The following CCDC195 variants were observed in gnomAD, a reference collection of about 807,000 sequenced individuals.
CCDC195 encodes the protein coiled-coil domain-containing protein 195.
At chr2:224,704,610 C>CTTTTT (rs55801561) in intron 2 of CCDC195, among the ~76,000 whole-genome samples, 670 of 110,586 alleles carry the variant, frequency 6.1e-3, no homozygotes, top group Non-Finnish European at 8.3e-3. Context: ...CTTTTCTTTT[C>CTTTTT]TTTTTTTTTT....
chr2:224,707,082 C>G (rs1689212799), intron 2 of CCDC195, among the ~76,000 whole-genome samples: 1 of 152,072 alleles, frequency 6.6e-6, no homozygotes, highest in African/African-American at 2.4e-5. Context: ...TGATGCACAT[C>G]TAGAAATCAT....
At chr2:224,716,024 C>T (rs953487846) in intron 1 of CCDC195, 107 bp downstream of exon 1, 9 of 397,158 alleles carry the variant, frequency 2.3e-5, no homozygotes, top group African/African-American at 1.0e-4. Flanking sequence ...AAACCCACCA[C>T]CGTTATTACC....
At chr2:224,709,630 C>A (rs532306021) in intron 2 of CCDC195, among the ~76,000 whole-genome samples, 1 of 152,294 alleles carries the variant, frequency 6.6e-6, no homozygotes, top group East Asian at 1.9e-4. Context: ...AGATAGTTTA[C>A]TTGTGTGCCT....
intron 1 of CCDC195, among the ~76,000 whole-genome samples, chr2:224,713,149 G>A (rs957272492): frequency 2.0e-5 from 3 of 152,168 alleles, no homozygotes; most frequent in African/African-American, 7.2e-5. Flanking sequence ...TTTCAGGAGT[G>A]AGCCACTGTG....
At chr2:224,708,024 C>CTTCT (rs1689247629) in intron 2 of CCDC195, among the ~76,000 whole-genome samples, 1 of 131,852 alleles carries the variant, frequency 7.6e-6, no homozygotes, top group African/African-American at 2.8e-5. Flanking sequence ...TCCTTCCTTC[C>CTTCT]TTCCTTCCTT....
intron 2 of CCDC195, among the ~76,000 whole-genome samples, chr2:224,709,234 G>A (rs1361694202): frequency 2.6e-5 from 4 of 151,742 alleles, no homozygotes; most frequent in South Asian, 2.1e-4. Flanking sequence ...GGCTACAGGC[G>A]CAGGCCACCA....
chr2:224,711,362 T>C (rs983183207), intron 1 of CCDC195, among the ~76,000 whole-genome samples: 1 of 35,150 alleles, frequency 2.8e-5, no homozygotes, highest in African/African-American at 2.5e-4. Flanking sequence ...ATCTTCCCTG[T>C]TTTTTTTTTT....
chr2:224,715,367 A>T (rs1689366922), intron 1 of CCDC195, among the ~76,000 whole-genome samples: 1 of 152,234 alleles, frequency 6.6e-6, no homozygotes. Context: ...TAATCTTCAC[A>T]GTCAAAATAT....
chr2:224,715,751 C>T (rs1689375447), intron 1 of CCDC195, among the ~76,000 whole-genome samples: 1 of 152,124 alleles, frequency 6.6e-6, no homozygotes, highest in Non-Finnish European at 1.5e-5. Flanking sequence ...ATCTGGTGTG[C>T]AGTACTGTTC....
chr2:224,706,248 C>T (rs1697239796), intron 2 of CCDC195, among the ~76,000 whole-genome samples: 1 of 109,060 alleles, frequency 9.2e-6, no homozygotes, highest in Admixed American at 1.3e-4. Flanking sequence ...CTCTGTCACC[C>T]AGGCTGGAGT....
At chr2:224,709,404 C>G (rs933787067) in intron 2 of CCDC195, among the ~76,000 whole-genome samples, 3 of 152,192 alleles carry the variant, frequency 2.0e-5, no homozygotes, top group Admixed American at 1.3e-4. Context: ...GCTGTTCCAG[C>G]TCTCTAAATA....
At chr2:224,706,201 T>TTTTTTTTTTTTC (rs1697238884) in intron 2 of CCDC195, among the ~76,000 whole-genome samples, 1 of 89,484 alleles carries the variant, frequency 1.1e-5, no homozygotes, top group African/African-American at 4.6e-5. Flanking sequence ...TTTTTTTTTT[T>TTTTTTTTTTTTC]TTTTTTTTTT....
intron 2 of CCDC195, among the ~76,000 whole-genome samples, chr2:224,705,709 A>C (rs1339751977): frequency 6.6e-6 from 1 of 152,232 alleles, no homozygotes; most frequent in African/African-American, 2.4e-5. Flanking sequence ...ACAATAAAAA[A>C]AATGCTCAAT....
chr2:224,714,280 T>C (rs1689355608), intron 1 of CCDC195, among the ~76,000 whole-genome samples: 1 of 152,236 alleles, frequency 6.6e-6, no homozygotes, highest in South Asian at 2.1e-4. Flanking sequence ...GTTTAGACCC[T>C]GAGAATTTAA....
At chr2:224,704,446 C>CTT (rs1283510457) in intron 2 of CCDC195, among the ~76,000 whole-genome samples, 2 of 152,156 alleles carry the variant, frequency 1.3e-5, no homozygotes, top group Non-Finnish European at 2.9e-5. Flanking sequence ...AGAAACTGCT[C>CTT]TTAGGAATAA....
At chr2:224,708,786 G>A (rs377764626) in intron 2 of CCDC195, among the ~76,000 whole-genome samples, 5 of 152,188 alleles carry the variant, frequency 3.3e-5, no homozygotes, top group African/African-American at 1.2e-4. Flanking sequence ...TCTCTTTCCC[G>A]TGATAAGCTA....
chr2:224,711,439 G>A (rs1014098513), intron 1 of CCDC195, among the ~76,000 whole-genome samples: 3 of 150,030 alleles, frequency 2.0e-5, no homozygotes, highest in Non-Finnish European at 2.9e-5. Flanking sequence ...ATGTCTGAAC[G>A]CCAGCTCTTA....
intron 1 of CCDC195, among the ~76,000 whole-genome samples, chr2:224,712,677 C>G (rs528995596): frequency 6.6e-6 from 1 of 152,238 alleles, no homozygotes; most frequent in East Asian, 1.9e-4. Flanking sequence ...TTAATTATTC[C>G]CTTTCTTAAA....
At chr2:224,705,729 A>G (rs975245414) in intron 2 of CCDC195, among the ~76,000 whole-genome samples, 4 of 152,246 alleles carry the variant, frequency 2.6e-5, no homozygotes, top group Non-Finnish European at 4.4e-5. Context: ...TTCCTACTCA[A>G]TAGTTCTAGT....
Sources: gnomAD v4.1 joint callset for allele counts (sites outside exome capture counted in the v4.1 genomes callset) on GRCh38, gnomAD v4.1.1 for gene constraint, MANE v1.5 for transcripts, NCBI Gene and HGNC (gene_info 2026-07-23, HGNC 2026-07-21) for gene names.